The following FMN2 variants were observed in gnomAD, a reference collection of about 807,000 sequenced individuals.
FMN2 encodes the protein formin 2, also known as formin-2.
In FMN2, 51 loss-of-function variants were observed where a neutral mutation model predicts 142.3. That is an observed-to-expected ratio of 0.36 (90% confidence interval 0.29 to 0.45). The LOEUF is 0.45. Among genes scored for constraint, FMN2 ranks in the 20% least tolerant of loss-of-function variants. FMN2 has a pLI of 1.00. For synonymous variants in FMN2, 882 were observed against 869.8 expected (o/e 1.01, Z -0.25); for missense variants, 1,936 against 2,122.8 (o/e 0.91, Z 1.73).
chr1:240,131,472 G>T (rs1662733155), intron 2 of FMN2, among the ~76,000 whole-genome samples: 1 of 152,136 alleles, frequency 6.6e-6, no homozygotes, highest in African/African-American at 2.4e-5. Flanking sequence ...ACTTTGGGAG[G>T]CTGAGGTGGG....
rs71760632 is a variant in FMN2, at chr1:240,178,912, A to AT, written c.1930+854dup. Among the ~76,000 whole-genome samples the AT allele has an allele frequency of 3.0e-3, 445 of 150,792 alleles. 2 individuals are homozygous for AT. The highest frequency in any genetic ancestry group is 5.0e-3 in the Non-Finnish European group (336 of 67,572). On this transcript the variant is annotated intron_variant, in intron 3 of 17. Coordinates refer to ENST00000319653, the MANE Select transcript of FMN2 (RefSeq NM_020066.5). ...ATAGATATTAGAGTTAAGAATTTTG[A>AT]TTTTTTTTTTCTCATTGGCTCATAG...
At chr1:240,170,802 T>C in intron 2 of FMN2, 2 of 961,680 alleles carry the variant, frequency 2.1e-6, no homozygotes, top group Middle Eastern at 2.1e-4. Flanking sequence ...TCGTGGGCGG[T>C]AAAGTGGCTG....
At chr1:240,241,386 C>T (rs1313264157) in intron 6 of FMN2, among the ~76,000 whole-genome samples, 1 of 151,928 alleles carries the variant, frequency 6.6e-6, no homozygotes, top group Non-Finnish European at 1.5e-5. Flanking sequence ...TAAGAAGTTC[C>T]CTTGGTTTTT....
At chr1:240,294,725 C>T in intron 7 of FMN2, 97 bp from the exon 8 acceptor site, 1 of 1,066,902 alleles carries the variant, frequency 9.4e-7, no homozygotes, top group Non-Finnish European at 1.5e-6. Flanking sequence ...GCCCCTGCTC[C>T]CTCTGGCTGC....
At position 240,154,264 on chromosome 1, in the gene FMN2, A is replaced by T. The variant is rs115709170; in HGVS notation, c.1783-23657A>T. Among the ~76,000 whole-genome samples the T allele has an allele frequency of 2.6e-5, 4 of 152,114 alleles. No homozygotes were observed. The South Asian group carries it at 8.3e-4, about 32-fold the overall frequency. On this transcript the variant is annotated intron_variant, in intron 2 of 17. Coordinates refer to ENST00000319653, the MANE Select transcript of FMN2 (RefSeq NM_020066.5). ...AGAATTCTCAGTTCAAACACAGTCA[A>T]TGCTGACACAGATAGTACAGAGTGC...
chr1:240,232,641 G>C (rs1349331811), intron 6 of FMN2, among the ~76,000 whole-genome samples: 1 of 152,102 alleles, frequency 6.6e-6, no homozygotes, highest in Non-Finnish European at 1.5e-5. Context: ...CAAAATTCTA[G>C]AAAGAATCTA....
At chr1:240,138,506 C>A (rs1021195661) in intron 2 of FMN2, among the ~76,000 whole-genome samples, 1 of 151,780 alleles carries the variant, frequency 6.6e-6, no homozygotes, top group Non-Finnish European at 1.5e-5. Flanking sequence ...TCAAGACCAG[C>A]CTGGCCAAAT....
intron 2 of FMN2, among the ~76,000 whole-genome samples, chr1:240,146,978 G>A (rs1663510606): frequency 6.6e-6 from 1 of 152,224 alleles, no homozygotes; most frequent in East Asian, 1.9e-4. Flanking sequence ...GGTGGAAGAC[G>A]GGGCAATTAG....
chr1:240,249,751 G>A (rs921977311), intron 6 of FMN2, among the ~76,000 whole-genome samples: 12 of 151,998 alleles, frequency 7.9e-5, no homozygotes, highest in Non-Finnish European at 1.5e-4. Context: ...ATGTCTATTC[G>A]TTTCTGTCCT....
chr1:240,170,625 G>A lies in FMN2; in HGVS notation c.1783-7296G>A. ...GCACATTTTCTGAATGCACAGTTGT[G>A]GCTGATATCTCTGTTGCTAAAATAG... On this transcript the variant is annotated intron_variant, in intron 2 of 17. Coordinates refer to ENST00000319653, the MANE Select transcript of FMN2 (RefSeq NM_020066.5). 4.4e-6 allele frequency: 7 copies of A among 1,576,452 alleles called. No homozygotes were observed. The South Asian group carries it at 7.8e-5, about 17-fold the overall frequency.
chr1:240,447,786 T>C (rs986629857), intron 16 of FMN2, among the ~76,000 whole-genome samples: 4 of 152,142 alleles, frequency 2.6e-5, no homozygotes, highest in Admixed American at 2.6e-4. Context: ...TAAACTTAGA[T>C]GGTTTTAGAG....
intron 14 of FMN2, among the ~76,000 whole-genome samples, chr1:240,372,971 G>C (rs1004263468): frequency 2.0e-5 from 3 of 152,152 alleles, no homozygotes; most frequent in Non-Finnish European, 4.4e-5. Context: ...CAAATCATGA[G>C]GTCAGGTATA....
intron 16 of FMN2, among the ~76,000 whole-genome samples, chr1:240,451,252 A>C (rs10802876): frequency 6.6e-6 from 1 of 151,270 alleles, no homozygotes; most frequent in Non-Finnish European, 1.5e-5. Context: ...TGTAATCCTC[A>C]TGAGGCTGAG....
intron 2 of FMN2, 156 bp from the exon 3 acceptor site, chr1:240,177,765 C>T (rs1210317960): frequency 1.7e-5 from 9 of 536,462 alleles, no homozygotes; most frequent in Non-Finnish European, 2.0e-5. Context: ...TCTTAGGAAT[C>T]TACACTGAAT....
chr1:240,248,432 G>GATAT (rs36215850), intron 6 of FMN2, among the ~76,000 whole-genome samples: 2,177 of 142,344 alleles, frequency 0.015, 24 homozygotes, highest in African/African-American at 0.026. Context: ...CATGTGATTG[G>GATAT]ATATATATAT....
intron 2 of FMN2, among the ~76,000 whole-genome samples, chr1:240,129,027 C>A (rs139866472): frequency 5.2e-4 from 79 of 152,150 alleles, no homozygotes; most frequent in African/African-American, 1.8e-3. Flanking sequence ...GCAGGCACCA[C>A]GACGCCGAGC....
chr1:240,364,718 C>T (rs571656589), intron 14 of FMN2, among the ~76,000 whole-genome samples: 4 of 152,244 alleles, frequency 2.6e-5, no homozygotes, highest in South Asian at 2.1e-4. Context: ...TATTTCCAGT[C>T]GGATGCTCCC....
intron 14 of FMN2, among the ~76,000 whole-genome samples, chr1:240,383,487 G>A (rs1673298267): frequency 1.3e-5 from 2 of 152,126 alleles, no homozygotes; most frequent in Admixed American, 1.3e-4. Flanking sequence ...AAATTTATGA[G>A]AAACTGCTGA....
intron 1 of FMN2, among the ~76,000 whole-genome samples, chr1:240,117,571 G>C (rs1662072709): frequency 1.3e-5 from 2 of 152,210 alleles, no homozygotes; most frequent in African/African-American, 4.8e-5. Context: ...CGCTGCGGAA[G>C]GAAGTGACAC....
Sources: gnomAD v4.1 joint callset for allele counts (sites outside exome capture counted in the v4.1 genomes callset) on GRCh38, gnomAD v4.1.1 for gene constraint, MANE v1.5 for transcripts, NCBI Gene and HGNC (gene_info 2026-07-23, HGNC 2026-07-21) for gene names.